The following TANC2 variants were observed in gnomAD, a reference collection of about 807,000 sequenced individuals.
TANC2 encodes protein TANC2.
In TANC2, 26 loss-of-function variants were observed where a neutral mutation model predicts 210.5. That is an observed-to-expected ratio of 0.12 (90% CI 0.09 to 0.17). The LOEUF (loss-of-function observed/expected upper bound fraction) is 0.17, where lower values mean the gene tolerates loss of function less well. TANC2 is among the 10% of genes least tolerant of loss of function. The pLI is 1.00. For synonymous variants in TANC2, 931 were observed against 967.1 expected, an observed-to-expected ratio of 0.96 and a Z score of 0.69; for missense variants, 2,129 against 2,608.9, an observed-to-expected ratio of 0.82 and a Z score of 4.01.
intron 4 of TANC2, among the ~76,000 whole-genome samples, chr17:63,133,607 C>A (rs1187681620): frequency 1.3e-5 from 2 of 152,170 alleles, no homozygotes; most frequent in Non-Finnish European, 2.9e-5. Context: ...ATACTTGCTT[C>A]CAGTCCAAGT....
intron 9 of TANC2, among the ~76,000 whole-genome samples, chr17:63,300,405 C>T (rs1227423759): frequency 6.6e-6 from 1 of 152,120 alleles, no homozygotes; most frequent in Non-Finnish European, 1.5e-5. Flanking sequence ...TTGATTCTTC[C>T]TATCCATGAG....
intron 12 of TANC2, among the ~76,000 whole-genome samples, chr17:63,348,742 A>T (rs527491901): frequency 4.6e-5 from 7 of 152,098 alleles, no homozygotes; most frequent in African/African-American, 1.7e-4. Flanking sequence ...TTATTTGTAA[A>T]TTTTTTTTAA....
intron 1 of TANC2, among the ~76,000 whole-genome samples, chr17:62,989,143 C>T (rs969443549): frequency 1.3e-5 from 2 of 152,180 alleles, no homozygotes; most frequent in Non-Finnish European, 2.9e-5. Context: ...CTTTAATTCT[C>T]ATTAACGGAC....
intron 26 of TANC2, among the ~76,000 whole-genome samples, chr17:63,416,059 C>T (rs2048849059): frequency 6.6e-6 from 1 of 152,152 alleles, no homozygotes; most frequent in Admixed American, 6.5e-5. Context: ...GGTATATTCC[C>T]TTATCATTTG....
chr17:63,413,309 G>A (rs780927599), intron 24 of TANC2: 36 of 390,290 alleles, frequency 9.2e-5, no homozygotes, highest in Admixed American at 3.5e-4. Context: ...CTGCCCTCGC[G>A]TGGGGCAGGC....
chr17:63,100,190 C>T (rs943324427), intron 4 of TANC2, among the ~76,000 whole-genome samples: 10 of 152,106 alleles, frequency 6.6e-5, no homozygotes, highest in Admixed American at 2.6e-4. Flanking sequence ...TTGAGCTAGA[C>T]AGTAGAGAAG....
intron 7 of TANC2, among the ~76,000 whole-genome samples, chr17:63,206,429 G>A (rs1279129092): frequency 6.6e-6 from 1 of 152,064 alleles, no homozygotes; most frequent in East Asian, 1.9e-4. Context: ...TTTCACAACG[G>A]CCAAAAAGTG....
intron 9 of TANC2, among the ~76,000 whole-genome samples, chr17:63,288,915 A>G (rs753959304): frequency 2.6e-5 from 4 of 152,122 alleles, no homozygotes; most frequent in South Asian, 2.1e-4. Context: ...TTTGTCCAGG[A>G]AAGTCTTTAT....
chr17:63,123,914 G>A (rs952468319), intron 4 of TANC2, among the ~76,000 whole-genome samples: 4 of 151,834 alleles, frequency 2.6e-5, no homozygotes, highest in African/African-American at 4.8e-5. Context: ...TCTTGGCCAG[G>A]CTGGTCTTGA....
At chr17:63,233,630 G>T (rs1377137518) in intron 7 of TANC2, among the ~76,000 whole-genome samples, 1 of 152,208 alleles carries the variant, frequency 6.6e-6, no homozygotes, top group African/African-American at 2.4e-5. Flanking sequence ...ATTCTTCTGT[G>T]TGAGAGCCTC....
chr17:63,282,095 G>C (rs1317841184), intron 9 of TANC2, among the ~76,000 whole-genome samples: 2 of 151,928 alleles, frequency 1.3e-5, no homozygotes, highest in African/African-American at 4.8e-5. Context: ...AAAAAGGAAG[G>C]AAATATTATA....
intron 13 of TANC2, among the ~76,000 whole-genome samples, chr17:63,352,092 T>C (rs1033148421): frequency 1.4e-4 from 21 of 152,118 alleles, no homozygotes; most frequent in African/African-American, 5.1e-4. Flanking sequence ...AGCCTTCTCA[T>C]TGTAGCTGAG....
At chr17:63,411,444 G>A in intron 21 of TANC2, 67 bp from the exon 22 acceptor site, 6 of 1,484,678 alleles carry the variant, frequency 4.0e-6, no homozygotes, top group East Asian at 2.3e-5. Context: ...TGCCCCTTCA[G>A]CGTACTTCCC....
chr17:63,025,231 C>T (rs979298876), intron 2 of TANC2, among the ~76,000 whole-genome samples: 3 of 151,998 alleles, frequency 2.0e-5, no homozygotes, highest in African/African-American at 4.8e-5. Context: ...ACATTGGTCT[C>T]AATCATTTTA....
chr17:63,088,504 T>G (rs974885527), intron 3 of TANC2: 4 of 152,210 alleles, frequency 2.6e-5, no homozygotes, highest in Admixed American at 2.6e-4. Flanking sequence ...GTTTCTCTCA[T>G]GTGTGTATAG....
Position 63,099,162 on chromosome 17 carries a change from C to A in TANC2, c.140-13C>A. ...TTTCTCACCAGCTCTTTTGTTCCAT[C>A]CCCTTCTAACAGGTGGCATCTCCAC... On this transcript the variant is annotated splice_polypyrimidine_tract_variant and intron_variant, in intron 3 of 27. Transcript: ENST00000689528. 4 of 1,609,548 alleles carry A rather than the reference C, an allele frequency of 2.5e-6. No individual in the cohort carries two copies. The highest frequency in any genetic ancestry group is 2.5e-6 in the Non-Finnish European group (3 of 1,177,766).
chr17:63,094,595 G>A (rs913933755), intron 3 of TANC2, among the ~76,000 whole-genome samples: 6 of 152,220 alleles, frequency 3.9e-5, no homozygotes, highest in African/African-American at 1.4e-4. Flanking sequence ...AAACTAGAAG[G>A]CAGTTCTCTA....
intron 7 of TANC2, among the ~76,000 whole-genome samples, chr17:63,212,785 C>T (rs1420348925): frequency 6.6e-6 from 1 of 152,142 alleles, no homozygotes; most frequent in Non-Finnish European, 1.5e-5. Context: ...TAAATAAGGT[C>T]CATAGACCAA....
intron 8 of TANC2, among the ~76,000 whole-genome samples, chr17:63,255,127 C>A (rs186615296): frequency 6.6e-6 from 1 of 150,494 alleles, no homozygotes. Flanking sequence ...ATTTTTGAGA[C>A]GAAGTCTCAC....
Sources: allele counts gnomAD v4.1 joint callset (sites outside exome capture counted in the v4.1 genomes callset), GRCh38; gene constraint gnomAD v4.1.1; transcripts MANE v1.5; gene names NCBI Gene and HGNC (gene_info 2026-07-23, HGNC 2026-07-21).